The following UVRAG variants were observed in gnomAD, a reference collection of about 807,000 sequenced individuals.
The protein encoded by UVRAG is UV radiation resistance associated.
Under a neutral mutation model 78.0 loss-of-function variants are expected in UVRAG, and 19 were observed. The ratio of observed to expected loss-of-function variants is 0.24; its 90% confidence interval spans 0.17 to 0.36. The LOEUF (loss-of-function observed/expected upper bound fraction) is 0.36. Ranked by LOEUF, UVRAG falls within the 10% of genes least tolerant of loss-of-function variation. The pLI is 1.00. For synonymous variants in UVRAG, 323 were observed against 324.6 expected, an observed-to-expected ratio of 1.00 and a Z score of 0.05; for missense variants, 740 against 853.8, an observed-to-expected ratio of 0.87 and a Z score of 1.66.
At chr11:75,907,697 ATT>A (rs552143489) in intron 5 of UVRAG, among the ~76,000 whole-genome samples, 1 of 142,594 alleles carries the variant, frequency 7.0e-6, no homozygotes. Context: ...TATTAAAACA[ATT>A]TTTTTTTTTT....
Position 75,984,820 on chromosome 11 carries a change from G to A in UVRAG, c.826+1307G>A, listed in dbSNP as rs192385427. The stretch of plus-strand genomic sequence containing the variant: ...ACCTTCATGTGGTTGCAGTTTGTTC[G>A]TGTTTAATGCCAAATAGTATTCCAT... On this transcript the variant is annotated intron_variant, in intron 8 of 14. Coordinates refer to ENST00000356136, the MANE Select transcript of UVRAG (RefSeq NM_003369.4). 8.5e-5 allele frequency among the ~76,000 whole-genome samples: 13 copies of A among 152,212 alleles called. No homozygotes were observed. In the East Asian group the frequency reaches 9.6e-4, roughly 11 times the overall value.
intron 7 of UVRAG, among the ~76,000 whole-genome samples, chr11:75,963,246 T>C (rs574221652): frequency 4.5e-4 from 68 of 152,342 alleles, no homozygotes; most frequent in African/African-American, 1.3e-3. Context: ...TTCCAGCATC[T>C]AGAAAAGTGT....
intron 13 of UVRAG, among the ~76,000 whole-genome samples, chr11:76,086,458 CTTTCATAT>C (rs1951590725): frequency 1.3e-5 from 2 of 152,092 alleles, no homozygotes; most frequent in African/African-American, 4.8e-5. Context: ...TGTAAGTATC[CTTTCATAT>C]TTGAAATTAA....
chr11:76,080,487 T>C (rs911869035), intron 13 of UVRAG, among the ~76,000 whole-genome samples: 4 of 151,932 alleles, frequency 2.6e-5, no homozygotes, highest in South Asian at 2.1e-4. Flanking sequence ...TGAGCACATA[T>C]TGCTTTTATA....
chr11:76,097,153 T>C (rs932349541), intron 13 of UVRAG, among the ~76,000 whole-genome samples: 2 of 152,168 alleles, frequency 1.3e-5, no homozygotes, highest in African/African-American at 4.8e-5. Context: ...ACCATCATCC[T>C]TCTTTGAGCC....
intron 5 of UVRAG, among the ~76,000 whole-genome samples, chr11:75,901,931 T>C (rs1433222665): frequency 1.3e-5 from 2 of 152,210 alleles, no homozygotes; most frequent in African/African-American, 4.8e-5. Context: ...TATGCTTCCG[T>C]AGCACCTTGT....
chr11:76,109,218 T>C (rs1411003089), intron 13 of UVRAG, among the ~76,000 whole-genome samples: 2 of 152,186 alleles, frequency 1.3e-5, no homozygotes, highest in South Asian at 4.1e-4. Context: ...TAATAGTTGG[T>C]GAGGGCAGGT....
chr11:76,129,979 G>A (rs1342107371), intron 14 of UVRAG, among the ~76,000 whole-genome samples: 1 of 151,692 alleles, frequency 6.6e-6, no homozygotes, highest in Non-Finnish European at 1.5e-5. Flanking sequence ...TTGCCTGAAA[G>A]TTCTAAACAT....
At chr11:76,014,568 G>A (rs974969164) in intron 11 of UVRAG, among the ~76,000 whole-genome samples, 2 of 152,176 alleles carry the variant, frequency 1.3e-5, no homozygotes, top group Admixed American at 6.5e-5. Flanking sequence ...CGGAAAGCAC[G>A]AGGCAGAATT....
chr11:75,856,279 A>G (rs1246414253), intron 2 of UVRAG, among the ~76,000 whole-genome samples: 1 of 152,184 alleles, frequency 6.6e-6, no homozygotes, highest in African/African-American at 2.4e-5. Flanking sequence ...CTGAGATTAC[A>G]GGCGTGAGCC....
chr11:76,110,871 T>G (rs1440839071), intron 13 of UVRAG, among the ~76,000 whole-genome samples: 1 of 152,206 alleles, frequency 6.6e-6, no homozygotes, highest in Non-Finnish European at 1.5e-5. Flanking sequence ...TTTATTTGTT[T>G]GTTTGCTTGG....
At chr11:75,883,819 A>G (rs1947010473) in intron 4 of UVRAG, among the ~76,000 whole-genome samples, 1 of 152,228 alleles carries the variant, frequency 6.6e-6, no homozygotes, top group South Asian at 2.1e-4. Flanking sequence ...TTTACATGTC[A>G]TAAAATCCAC....
chr11:75,970,920 C>T (rs1949110438), intron 7 of UVRAG, among the ~76,000 whole-genome samples: 1 of 152,050 alleles, frequency 6.6e-6, no homozygotes, highest in South Asian at 2.1e-4. Context: ...TTATGTTATA[C>T]AGTTCTATGA....
intron 2 of UVRAG, among the ~76,000 whole-genome samples, chr11:75,860,793 C>CT (rs59883539): frequency 0.039 from 5,617 of 144,098 alleles, 340 homozygotes; most frequent in African/African-American, 0.13. Flanking sequence ...CTTTTCTTTT[C>CT]TTTTTTTTTT....
At chr11:76,048,506 A>G (rs79318779) in intron 12 of UVRAG, among the ~76,000 whole-genome samples, 94 of 152,328 alleles carry the variant, frequency 6.2e-4, no homozygotes, top group African/African-American at 2.2e-3. Flanking sequence ...AGATGTTTGC[A>G]TTGGTTGCTG....
At chr11:76,029,266 C>A (rs1950390908) in intron 12 of UVRAG, among the ~76,000 whole-genome samples, 1 of 152,112 alleles carries the variant, frequency 6.6e-6, no homozygotes, top group South Asian at 2.1e-4. Context: ...ACCTGGTTAC[C>A]CACAAGTGCT....
Position 76,060,818 on chromosome 11 carries a change from C to T in UVRAG, c.1227-4892C>T, listed in dbSNP as rs542480873. 2.0e-5 allele frequency among the ~76,000 whole-genome samples: 3 copies of T among 152,360 alleles called. No individual in the cohort carries two copies. The East Asian group carries it at 5.8e-4, about 29-fold the overall frequency. ...CCTCCCCGTGGGGCAGGGCTTGGGA[C>T]CTGCAGCCCGCCATGCCTGAGCCTC... On this transcript the variant is annotated intron_variant, in intron 12 of 14. Coordinates refer to ENST00000356136, the MANE Select transcript of UVRAG (RefSeq NM_003369.4).
intron 13 of UVRAG, among the ~76,000 whole-genome samples, chr11:76,115,433 C>T (rs982357225): frequency 1.3e-5 from 2 of 152,182 alleles, no homozygotes; most frequent in African/African-American, 2.4e-5. Context: ...CTATGCCAGA[C>T]ACTATTGGAG....
At chr11:75,820,066 T>C (rs1380297473) in intron 1 of UVRAG, among the ~76,000 whole-genome samples, 1 of 152,182 alleles carries the variant, frequency 6.6e-6, no homozygotes, top group East Asian at 1.9e-4. Flanking sequence ...GGCCTCAACC[T>C]CCTGGGATCA....
Sources: gnomAD v4.1 joint callset for allele counts (sites outside exome capture counted in the v4.1 genomes callset) on GRCh38, gnomAD v4.1.1 for gene constraint, MANE v1.5 for transcripts, NCBI Gene and HGNC (gene_info 2026-07-23, HGNC 2026-07-21) for gene names.